Variants in SUMF1 observed in about 807,000 individuals in gnomAD.
The protein encoded by SUMF1 is sulfatase modifying factor 1, also known as formylglycine-generating enzyme.
In SUMF1, 48 loss-of-function variants were observed where a neutral mutation model predicts 47.6. The ratio of observed to expected loss-of-function variants is 1.01; its 90% CI spans 0.80 to 1.28. The LOEUF (loss-of-function observed/expected upper bound fraction) is 1.28. Among genes scored for constraint, SUMF1 ranks in the 50% most tolerant of loss-of-function variants. The pLI is 0.00. For missense variants in SUMF1, 571 were observed against 485.4 expected (o/e 1.18, Z -1.66); for synonymous variants, 230 against 192.1 (o/e 1.20, Z -1.63).
At chr3:4,038,541 G>T (rs201185648) in intron 9 of SUMF1, among the ~76,000 whole-genome samples, 3 of 152,194 alleles carry the variant, frequency 2.0e-5, no homozygotes, top group East Asian at 3.8e-4. Flanking sequence ...TGCCCAGAGT[G>T]TTCAGCCATT....
At chr3:4,449,906 T>G (rs1702912425) in intron 2 of SUMF1, among the ~76,000 whole-genome samples, 1 of 152,214 alleles carries the variant, frequency 6.6e-6, no homozygotes, top group Admixed American at 6.5e-5. Flanking sequence ...GTAACCCTAT[T>G]CTGAAAATTA....
At chr3:4,408,612 G>C (rs921903155) in intron 7 of SUMF1, among the ~76,000 whole-genome samples, 7 of 152,152 alleles carry the variant, frequency 4.6e-5, no homozygotes, top group Non-Finnish European at 8.8e-5. Context: ...AGGATTGCTT[G>C]AGGCGAGGAG....
At chr3:4,418,872 T>C (rs891576586) in intron 4 of SUMF1, among the ~76,000 whole-genome samples, 1 of 152,320 alleles carries the variant, frequency 6.6e-6, no homozygotes, top group Non-Finnish European at 1.5e-5. Context: ...GGGGATAGAC[T>C]CATTCACCCA....
intron 3 of SUMF1, among the ~76,000 whole-genome samples, chr3:4,440,947 TTATCTTAAATACTGGAAGTA>T (rs1431177202): frequency 1.2e-4 from 18 of 152,276 alleles, no homozygotes; most frequent in African/African-American, 4.1e-4. Context: ...AAAACAGTCT[TTATCTTAAATACTGGAAGTA>T]TATCTTAAAT....
chr3:4,275,210 T>C (rs541060075), intron 8 of SUMF1, among the ~76,000 whole-genome samples: 1 of 152,030 alleles, frequency 6.6e-6, no homozygotes, highest in East Asian at 1.9e-4. Flanking sequence ...AGAAATGAAG[T>C]AGTTAGAACG....
chr3:4,335,980 A>AC (rs1699145505), intron 8 of SUMF1, among the ~76,000 whole-genome samples: 1 of 148,094 alleles, frequency 6.8e-6, no homozygotes, highest in African/African-American at 2.5e-5. Flanking sequence ...AAAAAAAAAA[A>AC]CAGAAAAAAC....
At chr3:4,200,851 C>A (rs935822277) in intron 8 of SUMF1, among the ~76,000 whole-genome samples, 8 of 152,080 alleles carry the variant, frequency 5.3e-5, no homozygotes, top group African/African-American at 1.9e-4. Context: ...AATCAAGTGG[C>A]CATAAATGTG....
rs888637408 is a variant in SUMF1, at chr3:4,366,527, A to G, written c.1015-4273T>C. On this transcript the variant is annotated intron_variant, in intron 8 of 8. Transcript: ENST00000272902. ...TTGCATCGACTCCTGAGGCTTTTGT[A>G]TTCTTCACGTAGTTCTCGAGCCTTG... Among the ~76,000 whole-genome samples the G allele has an allele frequency of 3.1e-4, 46 of 149,280 alleles. No individual in the cohort carries two copies. In the East Asian group the frequency reaches 8.3e-3, roughly 27 times the overall value.
intron 8 of SUMF1, among the ~76,000 whole-genome samples, chr3:4,237,974 CCT>C (rs1696447621): frequency 6.6e-6 from 1 of 152,170 alleles, no homozygotes; most frequent in African/African-American, 2.4e-5. Context: ...TGTTCCCCTC[CCT>C]GTTTCCATGT....
chr3:4,258,654 C>T (rs1308603055), intron 8 of SUMF1, among the ~76,000 whole-genome samples: 1 of 151,590 alleles, frequency 6.6e-6, no homozygotes, highest in Non-Finnish European at 1.5e-5. Flanking sequence ...AACACTTTTA[C>T]ACTGTTGGTG....
intron 8 of SUMF1, among the ~76,000 whole-genome samples, chr3:4,210,570 G>A (rs1469014954): frequency 1.3e-5 from 2 of 152,056 alleles, no homozygotes; most frequent in African/African-American, 2.4e-5. Flanking sequence ...AAAACTATAT[G>A]GAGAAAGAGG....
chr3:4,214,729 A>T (rs1018692237), intron 8 of SUMF1, among the ~76,000 whole-genome samples: 2 of 152,194 alleles, frequency 1.3e-5, no homozygotes, highest in African/African-American at 4.8e-5. Flanking sequence ...CACTGATCCC[A>T]CAGAAATCCA....
chr3:4,326,226 G>A (rs1698942166), intron 8 of SUMF1, among the ~76,000 whole-genome samples: 1 of 152,150 alleles, frequency 6.6e-6, no homozygotes, highest in African/African-American at 2.4e-5. Flanking sequence ...ATTATACTTG[G>A]CCTGATTAGT....
chr3:4,209,285 C>T (rs1559567600), intron 8 of SUMF1, among the ~76,000 whole-genome samples: 3 of 152,238 alleles, frequency 2.0e-5, no homozygotes, highest in African/African-American at 7.2e-5. Flanking sequence ...AAAAATCAAC[C>T]ATGCCATAAT....
At chr3:4,106,374 A>G (rs2600151) in intron 8 of SUMF1, among the ~76,000 whole-genome samples, 115,297 of 151,856 alleles carry the variant, frequency 0.76, 43,934 homozygotes, top group Admixed American at 0.81. Flanking sequence ...TCACCAGGCC[A>G]TAAACCAGGC....
chr3:4,051,885 G>A (rs1695118917), intron 9 of SUMF1, among the ~76,000 whole-genome samples: 1 of 152,132 alleles, frequency 6.6e-6, no homozygotes, highest in Admixed American at 6.5e-5. Flanking sequence ...ACCGGTCTGA[G>A]TAAGGTCAGT....
intron 8 of SUMF1, among the ~76,000 whole-genome samples, chr3:4,351,763 C>G (rs1245590864): frequency 6.6e-6 from 1 of 152,144 alleles, no homozygotes; most frequent in East Asian, 1.9e-4. Flanking sequence ...ACTTCATTAC[C>G]ACATTGAGAA....
chr3:4,236,211 G>C (rs1335414260), intron 8 of SUMF1, among the ~76,000 whole-genome samples: 5 of 151,948 alleles, frequency 3.3e-5, no homozygotes, highest in African/African-American at 1.2e-4. Context: ...CAGTTTAAAA[G>C]CTACAAAGGA....
At chr3:4,203,577 G>C (rs896629324) in intron 8 of SUMF1, among the ~76,000 whole-genome samples, 12 of 151,874 alleles carry the variant, frequency 7.9e-5, no homozygotes, top group African/African-American at 2.9e-4. Context: ...GTTTAGTCCA[G>C]TTACATTCAA....
Sources: allele counts gnomAD v4.1 joint callset (sites outside exome capture counted in the v4.1 genomes callset), GRCh38; gene constraint gnomAD v4.1.1; transcripts MANE v1.5; gene names NCBI Gene and HGNC (gene_info 2026-07-23, HGNC 2026-07-21).